DOCK2: variants seen among roughly 807,000 people sequenced by gnomAD.
DOCK2 encodes dedicator of cytokinesis 2, also known as dedicator of cytokinesis protein 2.
A neutral mutation model predicts 248.9 loss-of-function variants in DOCK2; 87 were observed. That is an observed-to-expected ratio of 0.35 (90% CI 0.29 to 0.42). The LOEUF is 0.42. DOCK2 is among the 10% of genes least tolerant of loss of function. The pLI is 1.00. For missense variants in DOCK2, 1,747 were observed against 2,300.2 expected, an observed-to-expected ratio of 0.76 and a Z score of 4.92; for synonymous variants, 805 against 821.6, an observed-to-expected ratio of 0.98 and a Z score of 0.35.
intron 27 of DOCK2, among the ~76,000 whole-genome samples, chr5:169,926,038 G>A (rs1224121162): frequency 6.6e-6 from 1 of 152,162 alleles, no homozygotes; most frequent in Non-Finnish European, 1.5e-5. Flanking sequence ...GCTCTGGTTA[G>A]TCTCTGAGTC....
chr5:169,638,340 C>T (rs1756957276), intron 1 of DOCK2, among the ~76,000 whole-genome samples: 1 of 152,096 alleles, frequency 6.6e-6, no homozygotes, highest in African/African-American at 2.4e-5. Context: ...ACTGTGGGGT[C>T]ATTTTGATAT....
intron 25 of DOCK2, among the ~76,000 whole-genome samples, chr5:169,782,818 C>T (rs996926534): frequency 2.0e-5 from 3 of 152,208 alleles, no homozygotes; most frequent in Admixed American, 6.5e-5. Context: ...TCACCTTCAT[C>T]CCAAGACCTG....
intron 2 of DOCK2, among the ~76,000 whole-genome samples, chr5:169,656,029 G>A (rs759307735): frequency 2.6e-5 from 4 of 152,190 alleles, no homozygotes; most frequent in Non-Finnish European, 5.9e-5. Context: ...GAGGAGAGGG[G>A]TGGAGACGCT....
At chr5:169,799,318 T>G (rs1206269862) in intron 25 of DOCK2, among the ~76,000 whole-genome samples, 6 of 152,224 alleles carry the variant, frequency 3.9e-5, no homozygotes, top group Non-Finnish European at 8.8e-5. Context: ...TGCACAATTT[T>G]TATCTTCTGG....
chr5:170,010,362 G>A (rs1481324953), intron 32 of DOCK2, among the ~76,000 whole-genome samples: 1 of 152,154 alleles, frequency 6.6e-6, no homozygotes, highest in Non-Finnish European at 1.5e-5. Context: ...GGAAATAATT[G>A]ACGTTTCATT....
intron 38 of DOCK2, among the ~76,000 whole-genome samples, 167 bp from the exon 39 acceptor site, chr5:170,045,649 G>T (rs759192575): frequency 2.5e-4 from 38 of 152,190 alleles, no homozygotes; most frequent in African/African-American, 8.7e-4. Flanking sequence ...GAGGAAGGTC[G>T]TCCTCTCTAG....
intron 23 of DOCK2, among the ~76,000 whole-genome samples, chr5:169,754,074 G>C (rs149823474): frequency 3.3e-4 from 50 of 152,288 alleles, no homozygotes; most frequent in African/African-American, 1.1e-3. Flanking sequence ...AAGTCTGAGT[G>C]TACTGGCACC....
rs750421219 is a variant in DOCK2 at position 170,052,986 on chromosome 5, G to T, written c.4214-2319G>T. Among the ~76,000 whole-genome samples the T allele has an allele frequency of 4.1e-4, 62 of 152,216 alleles. 1 individual carries two copies. The highest frequency in any genetic ancestry group is 8.8e-4 in the Non-Finnish European group (60 of 68,044). ...CCTTCACTTGTTAAAAAGCTGATAA[G>T]CAGTCTGAGAGGGTGACAGATCTCA... On this transcript the variant is annotated intron_variant, in intron 41 of 51. Coordinates refer to ENST00000520908, the MANE Select transcript of DOCK2 (RefSeq NM_004946.3).
Position 170,076,018 on chromosome 5 carries a change from C to T in DOCK2, c.4800C>T (p.Asp1600=). ...RVSDNLRPFH[D]RMEECFKNLK... is the part of the protein sequence containing the mutation. ...CAGATAACTTGCGACCCTTCCATGA[C>T]CGGATGGAGGAATGTTTCAAGAACC... Residue 1600 remains aspartate, a synonymous_variant, in exon 47 of 52, where the codon GAC becomes GAT. Transcript: ENST00000520908. The T allele has an allele frequency of 6.2e-7, 1 of 1,614,092 alleles. No individual in the cohort carries two copies. The highest frequency in any genetic ancestry group is 8.5e-7 in the Non-Finnish European group (1 of 1,180,028).
intron 27 of DOCK2, among the ~76,000 whole-genome samples, chr5:169,854,689 G>A (rs1244557978): frequency 6.6e-6 from 1 of 152,204 alleles, no homozygotes; most frequent in Non-Finnish European, 1.5e-5. Context: ...TCCTTGAAAT[G>A]TCTCCATTAT....
At chr5:169,972,807 G>A (rs1777572561) in intron 27 of DOCK2, among the ~76,000 whole-genome samples, 2 of 152,132 alleles carry the variant, frequency 1.3e-5, no homozygotes, top group Non-Finnish European at 1.5e-5. Context: ...TCTCCAATGT[G>A]GACTAAGAAT....
intron 27 of DOCK2, among the ~76,000 whole-genome samples, chr5:169,947,272 A>T (rs1242216835): frequency 6.6e-6 from 1 of 152,248 alleles, no homozygotes; most frequent in Non-Finnish European, 1.5e-5. Context: ...ATGTATTAAC[A>T]AAATGTTCCA....
chr5:169,794,973 T>C (rs1330721068), intron 25 of DOCK2, among the ~76,000 whole-genome samples: 1 of 152,164 alleles, frequency 6.6e-6, no homozygotes, highest in Non-Finnish European at 1.5e-5. Context: ...GGTGTGTGGA[T>C]TGCTTAAGCC....
intron 27 of DOCK2, among the ~76,000 whole-genome samples, chr5:169,904,475 G>A (rs538961618): frequency 1.3e-5 from 2 of 152,198 alleles, no homozygotes; most frequent in East Asian, 3.9e-4. Flanking sequence ...TTTAATGGGG[G>A]TGGTGGGGAA....
At chr5:169,735,250 C>T (rs887680604) in intron 22 of DOCK2, among the ~76,000 whole-genome samples, 2 of 152,106 alleles carry the variant, frequency 1.3e-5, no homozygotes, top group African/African-American at 2.4e-5. Flanking sequence ...GCCCTGTAGC[C>T]CCTCTGGTCC....
chr5:169,851,596 A>T (rs1208164959), intron 27 of DOCK2, among the ~76,000 whole-genome samples: 1 of 152,228 alleles, frequency 6.6e-6, no homozygotes, highest in African/African-American at 2.4e-5. Flanking sequence ...TTGACTCAGT[A>T]CATATGTGTA....
chr5:169,731,290 G>A (rs1481160407), intron 22 of DOCK2, among the ~76,000 whole-genome samples: 1 of 152,196 alleles, frequency 6.6e-6, no homozygotes, highest in African/African-American at 2.4e-5. Flanking sequence ...CCTGGGAGGA[G>A]CCCTATGGGA....
intron 42 of DOCK2, chr5:170,056,457 A>G: frequency 2.1e-6 from 1 of 483,474 alleles, no homozygotes; most frequent in South Asian, 3.3e-5. Context: ...TATGTTCTCA[A>G]AGGGGCACAA....
At chr5:169,949,376 A>G (rs1454167211) in intron 27 of DOCK2, among the ~76,000 whole-genome samples, 1 of 152,190 alleles carries the variant, frequency 6.6e-6, no homozygotes, top group African/African-American at 2.4e-5. Flanking sequence ...GAGAGATCCC[A>G]TTCCATGTTC....
Sources: allele counts gnomAD v4.1 joint callset (sites outside exome capture counted in the v4.1 genomes callset), GRCh38; gene constraint gnomAD v4.1.1; transcripts MANE v1.5; gene names NCBI Gene and HGNC (gene_info 2026-07-23, HGNC 2026-07-21).